The following AFF3 variants were observed in gnomAD, a reference collection of about 807,000 sequenced individuals.
The protein encoded by AFF3 is ALF transcription elongation factor 3, also known as AF4/FMR2 family member 3.
A neutral mutation model predicts 129.7 loss-of-function variants in AFF3; 32 were observed. The observed-to-expected ratio is 0.25, with a 90% CI of 0.19 to 0.33. The LOEUF (loss-of-function observed/expected upper bound fraction) is 0.33, where lower values mean the gene tolerates loss of function less well. Among genes scored for constraint, AFF3 ranks in the 10% least tolerant of loss-of-function variants. AFF3 has a pLI of 1.00. For synonymous variants in AFF3, 644 were observed against 635.4 expected (o/e 1.01, Z -0.20); for missense variants, 1,373 against 1,592.0 (o/e 0.86, Z 2.34).
At position 99,937,937 on chromosome 2, in the gene AFF3, C is replaced by A. The variant is rs918591873; in HGVS notation, c.873+68695G>T. 9.9e-5 allele frequency among the ~76,000 whole-genome samples: 15 copies of A among 152,072 alleles called. 3 individuals are homozygous for A. The highest frequency in any genetic ancestry group is 9.8e-4 in the Admixed American group (15 of 15,266). On this transcript the variant is annotated intron_variant, in intron 7 of 24. Transcript: ENST00000672756. Reference sequence around the variant, plus strand: ...CAGAGTCACCTATTCTTTAATGTTGCCTTGATTCTTTTAATACTGGTAAAT... The same window carrying A: ...CAGAGTCACCTATTCTTTAATGTTGACTTGATTCTTTTAATACTGGTAAAT...
In AFF3 at chr2:99,550,415, G is replaced by C. The variant is rs1490817755; in HGVS notation, c.*1059C>G. On this transcript the variant is annotated 3_prime_UTR_variant, in exon 25 of 25. Coordinates refer to ENST00000672756, the MANE Select transcript of AFF3 (RefSeq NM_001386135.1). Reference sequence around the variant, plus strand: ...GAGTGAGAGAATCAGCATTATCATGGCAAATAGCTCTCAGCCTGGTAAGCG... The same window carrying C: ...GAGTGAGAGAATCAGCATTATCATGCCAAATAGCTCTCAGCCTGGTAAGCG... 4.3e-6 allele frequency: 1 copy of C among 230,380 alleles called. No homozygotes were observed. Among genetic ancestry groups the C allele is most frequent in the Non-Finnish European group, 8.6e-6 (1 of 116,248 alleles). 14.3% of individuals were successfully genotyped at this position (230,380 alleles called of 1,614,324 possible). A position where few individuals can be genotyped will look rare whatever the true frequency, so the allele number is the denominator to read the frequency against.
intron 4 of AFF3, among the ~76,000 whole-genome samples, chr2:100,067,089 G>A (rs1480763448): frequency 6.6e-6 from 1 of 151,194 alleles, no homozygotes; most frequent in African/African-American, 2.4e-5. Context: ...ACTGCAATTC[G>A]TGGACTTGTA....
chr2:99,995,575 T>A (rs1410550833), intron 7 of AFF3, among the ~76,000 whole-genome samples: 1 of 152,140 alleles, frequency 6.6e-6, no homozygotes, highest in African/African-American at 2.4e-5. Flanking sequence ...GGTTTCACCA[T>A]GTTAGCCAGG....
chr2:99,642,586 G>A (rs1264438819), intron 13 of AFF3, among the ~76,000 whole-genome samples: 2 of 152,150 alleles, frequency 1.3e-5, no homozygotes, highest in Admixed American at 6.5e-5. Context: ...AATGACTTAC[G>A]GTGTCTGCTA....
intron 13 of AFF3, among the ~76,000 whole-genome samples, chr2:99,634,329 T>G (rs987418548): frequency 6.6e-6 from 1 of 152,204 alleles, no homozygotes; most frequent in Non-Finnish European, 1.5e-5. Context: ...TGTAGTCACA[T>G]GAGGCTATGG....
At chr2:99,947,380 T>C (rs1379442055) in intron 7 of AFF3, among the ~76,000 whole-genome samples, 2 of 151,904 alleles carry the variant, frequency 1.3e-5, no homozygotes, top group African/African-American at 4.8e-5. Context: ...GAGGCAGAGG[T>C]TGCAGCGACC....
chr2:99,686,717 T>A (rs1239929665), intron 11 of AFF3, among the ~76,000 whole-genome samples: 2 of 152,240 alleles, frequency 1.3e-5, no homozygotes, highest in African/African-American at 2.4e-5. Context: ...TGGGCCATTT[T>A]TCCTTCGTCT....
At chr2:99,700,657 G>A (rs1185411246) in intron 11 of AFF3, among the ~76,000 whole-genome samples, 7 of 152,232 alleles carry the variant, frequency 4.6e-5, no homozygotes, top group Non-Finnish European at 1.0e-4. Context: ...AGTGTCCTGA[G>A]GGAACAGAAC....
chr2:99,971,520 C>T (rs1678374786), intron 7 of AFF3, among the ~76,000 whole-genome samples: 1 of 152,162 alleles, frequency 6.6e-6, no homozygotes, highest in African/African-American at 2.4e-5. Flanking sequence ...ACCCACAACC[C>T]ACTACTCCTA....
intron 7 of AFF3, among the ~76,000 whole-genome samples, chr2:99,852,623 G>C (rs2105877562): frequency 6.6e-6 from 1 of 152,232 alleles, no homozygotes; most frequent in Non-Finnish European, 1.5e-5. Context: ...AAACCCGTAG[G>C]GCCTACCTCT....
intron 8 of AFF3, among the ~76,000 whole-genome samples, chr2:99,760,988 G>A (rs1682535794): frequency 6.6e-6 from 1 of 150,774 alleles, no homozygotes; most frequent in African/African-American, 2.4e-5. Flanking sequence ...CTCAAACTCC[G>A]GGGCTCATAT....
At chr2:99,987,100 G>C (rs975274919) in intron 7 of AFF3, among the ~76,000 whole-genome samples, 4 of 152,150 alleles carry the variant, frequency 2.6e-5, no homozygotes, top group African/African-American at 9.7e-5. Context: ...ATGAACCAGG[G>C]GTCAAAGGCA....
rs1243389013 is a variant in AFF3, at chr2:99,841,035, A to G, written c.874-3511T>C. On this transcript the variant is annotated intron_variant, in intron 7 of 24. Transcript: ENST00000672756. ...GTTTTCTACCACAAAACAATTAATCAAGAAAAACTTGACCTCAGGTCCTCC... is the reference window on the plus strand; with the variant it reads ...GTTTTCTACCACAAAACAATTAATCGAGAAAAACTTGACCTCAGGTCCTCC... 2.6e-5 allele frequency among the ~76,000 whole-genome samples: 4 copies of G among 152,350 alleles called. No homozygotes were observed. The South Asian group carries it at 8.3e-4, about 32-fold the overall frequency.
chr2:99,982,173 C>T (rs13004493), intron 7 of AFF3, among the ~76,000 whole-genome samples: 3,870 of 152,266 alleles, frequency 0.025, 70 homozygotes, highest in Non-Finnish European at 0.037. Flanking sequence ...TGTGTCCCCA[C>T]CCAAATCTCA....
At chr2:100,024,231 C>CAAA (rs56368025) in intron 4 of AFF3, among the ~76,000 whole-genome samples, 14 of 56,022 alleles carry the variant, frequency 2.5e-4, no homozygotes, top group African/African-American at 3.8e-4. Context: ...GACTCCGTCT[C>CAAA]AAAAAAAAAA....
At chr2:100,005,560 A>G (rs2104723840) in intron 7 of AFF3, among the ~76,000 whole-genome samples, 1 of 152,332 alleles carries the variant, frequency 6.6e-6, no homozygotes, top group South Asian at 2.1e-4. Flanking sequence ...GCCTATAGAA[A>G]TTACATTTTG....
At chr2:99,748,367 C>T (rs1558812148) in intron 9 of AFF3, among the ~76,000 whole-genome samples, 1 of 152,136 alleles carries the variant, frequency 6.6e-6, no homozygotes, top group East Asian at 1.9e-4. Context: ...GGTATTGTCC[C>T]CCTCTGGGAG....
Position 99,695,856 on chromosome 2 carries a change from C to T in AFF3, c.1092-23267G>A, listed in dbSNP as rs548705777. 1.1e-3 allele frequency among the ~76,000 whole-genome samples: 149 copies of T among 138,350 alleles called. 1 individual carries two copies. In the Middle Eastern group the frequency reaches 0.012, roughly 11 times the overall value. 90.8% of individuals were successfully genotyped at this position (138,350 alleles called of 152,430 possible). On this transcript the variant is annotated intron_variant, in intron 11 of 24. Coordinates refer to ENST00000672756, the MANE Select transcript of AFF3 (RefSeq NM_001386135.1). ...AGACTGCAATAAAATATCTCTGAAA[C>T]CAAAGATGATCAATCACAGGGTCGT... is the stretch of plus-strand genomic sequence containing the variant.
At chr2:100,016,421 T>C (rs1350701389) in intron 4 of AFF3, among the ~76,000 whole-genome samples, 1 of 115,980 alleles carries the variant, frequency 8.6e-6, no homozygotes, top group African/African-American at 3.0e-5. Context: ...ATGGTGGTAG[T>C]GGTGGCAGTG....
Sources: allele counts gnomAD v4.1 joint callset (sites outside exome capture counted in the v4.1 genomes callset), GRCh38; gene constraint gnomAD v4.1.1; transcripts MANE v1.5; gene names NCBI Gene and HGNC (gene_info 2026-07-23, HGNC 2026-07-21).